MYT1L: variants seen among roughly 807,000 people sequenced by gnomAD.
MYT1L encodes myelin transcription factor 1 like, also known as myelin transcription factor 1-like protein.
MYT1L carries 12 observed loss-of-function variants against 126.7 expected under a neutral mutation model. That is an observed-to-expected ratio of 0.09 (90% confidence interval 0.06 to 0.15). The LOEUF (loss-of-function observed/expected upper bound fraction) is 0.15. Among genes scored for constraint, MYT1L ranks in the 10% least tolerant of loss-of-function variants. The probability of loss-of-function intolerance (pLI) is 1.00; values close to 1 mark genes in which losing one functional copy is unlikely to be tolerated. For missense variants in MYT1L, 979 were observed against 1,585.2 expected (o/e 0.62, Z 6.49); for synonymous variants, 541 against 604.2 (o/e 0.90, Z 1.53).
At chr2:1,893,472 T>C (rs1468321958) in intron 14 of MYT1L, among the ~76,000 whole-genome samples, 3 of 152,138 alleles carry the variant, frequency 2.0e-5, no homozygotes, top group African/African-American at 4.8e-5. Flanking sequence ...CTGGGAGAAC[T>C]TGGTGATAGG....
At chr2:2,191,982 G>A (rs1052076602) in intron 2 of MYT1L, among the ~76,000 whole-genome samples, 13 of 152,334 alleles carry the variant, frequency 8.5e-5, no homozygotes, top group East Asian at 3.9e-4. Flanking sequence ...GACTGCAGAC[G>A]GCATCCTTGT....
At chr2:1,873,037 C>T (rs1209082790) in intron 18 of MYT1L, among the ~76,000 whole-genome samples, 1 of 152,156 alleles carries the variant, frequency 6.6e-6, no homozygotes, top group African/African-American at 2.4e-5. Flanking sequence ...TGCCCCAGCT[C>T]CTGCCTCCTG....
intron 2 of MYT1L, among the ~76,000 whole-genome samples, chr2:2,199,218 G>A (rs1382585786): frequency 6.6e-6 from 1 of 152,188 alleles, no homozygotes; most frequent in African/African-American, 2.4e-5. Context: ...TTCATAAAAA[G>A]TTCATCCTTT....
chr2:2,294,218 C>T (rs929655204), intron 1 of MYT1L, among the ~76,000 whole-genome samples: 8 of 152,292 alleles, frequency 5.3e-5, no homozygotes, highest in East Asian at 3.9e-4. Flanking sequence ...GGCGGTGCCC[C>T]GGTCACTTGA....
chr2:1,921,336 G>C (rs1157229780), intron 10 of MYT1L, among the ~76,000 whole-genome samples: 2 of 152,162 alleles, frequency 1.3e-5, no homozygotes, highest in African/African-American at 2.4e-5. Flanking sequence ...GCATGAGGCT[G>C]AATTAGAACC....
intron 2 of MYT1L, among the ~76,000 whole-genome samples, chr2:2,183,900 A>AAAGG (rs1173993839): frequency 1.4e-5 from 2 of 144,412 alleles, no homozygotes; most frequent in Non-Finnish European, 3.1e-5. Flanking sequence ...AAGGAAGAAA[A>AAAGG]AAGGAAGGAA....
At chr2:2,093,410 A>G (rs1442803488) in intron 3 of MYT1L, among the ~76,000 whole-genome samples, 1 of 152,166 alleles carries the variant, frequency 6.6e-6, no homozygotes, top group Non-Finnish European at 1.5e-5. Context: ...TGTACAAAAA[A>G]AAAAAAAGAT....
At chr2:2,140,903 T>C (rs1339877685) in intron 3 of MYT1L, among the ~76,000 whole-genome samples, 1 of 152,236 alleles carries the variant, frequency 6.6e-6, no homozygotes, top group East Asian at 1.9e-4. Context: ...TTTTTGATTG[T>C]TCGGAATTAG....
chr2:2,183,453 C>T (rs2091760651), intron 2 of MYT1L, among the ~76,000 whole-genome samples: 1 of 152,130 alleles, frequency 6.6e-6, no homozygotes, highest in South Asian at 2.1e-4. Flanking sequence ...CTAAAGCTTG[C>T]TTTGTTTCCA....
At chr2:1,902,630 C>T (rs1004795791) in intron 14 of MYT1L, 7 of 158,812 alleles carry the variant, frequency 4.4e-5, no homozygotes, top group African/African-American at 1.4e-4. Flanking sequence ...TTCTCATGTG[C>T]GTGCAAGGCT....
At chr2:2,065,979 T>G (rs2071224508) in intron 3 of MYT1L, among the ~76,000 whole-genome samples, 1 of 151,760 alleles carries the variant, frequency 6.6e-6, no homozygotes, top group South Asian at 2.1e-4. Context: ...TTTATCCTTT[T>G]GCAAAAAAAA....
intron 4 of MYT1L, among the ~76,000 whole-genome samples, chr2:2,031,331 T>C (rs1366079709): frequency 6.6e-6 from 1 of 152,168 alleles, no homozygotes; most frequent in Admixed American, 6.5e-5. Flanking sequence ...AAGTGGGTTT[T>C]CCCATGGTCA....
Position 1,889,525 on chromosome 2 carries a change from ACAC to A in MYT1L, c.2284-51_2284-49del, listed in dbSNP as rs766681789. 2.8e-5 allele frequency: 40 copies of A among 1,433,756 alleles called. No homozygotes were observed. The East Asian group carries it at 8.5e-4, about 31-fold the overall frequency. 88.8% of individuals were successfully genotyped at this position (1,433,756 alleles called of 1,614,324 possible). On this transcript the variant is annotated intron_variant, in intron 15 of 24. Coordinates refer to ENST00000647738, the MANE Select transcript of MYT1L (RefSeq NM_001303052.2). This position sits in a 1 kb window ranked among gnomAD's most constrained non-coding sequence, Gnocchi z 4.1. ...ACTGTGCTTGGCCCGGCATCTTGTG[ACAC>A]CACGAGTCCTTCCTCCCAGATTACA...
At chr2:2,157,954 A>G (rs2086999408) in intron 3 of MYT1L, among the ~76,000 whole-genome samples, 1 of 152,252 alleles carries the variant, frequency 6.6e-6, no homozygotes, top group South Asian at 2.1e-4. Flanking sequence ...GAGAGACCTC[A>G]TATCTAGGTC....
Position 2,301,494 on chromosome 2 carries a change from G to A in MYT1L, c.-520-16991C>T, listed in dbSNP as rs1182886944. Among the ~76,000 whole-genome samples the A allele has an allele frequency of 2.0e-5, 3 of 152,050 alleles. 1 individual carries two copies. The highest frequency in any genetic ancestry group is 4.4e-5 in the Non-Finnish European group (3 of 67,994). ...AGAGAAAATAAAACAAAAATGGAAG[G>A]ATTGGTCAATATAGCCATTCTAAAA... On this transcript the variant is annotated intron_variant, in intron 1 of 24. Transcript: ENST00000647738.
intron 2 of MYT1L, among the ~76,000 whole-genome samples, chr2:2,219,643 A>G (rs2093795640): frequency 6.6e-6 from 1 of 152,180 alleles, no homozygotes; most frequent in African/African-American, 2.4e-5. Flanking sequence ...GCATTCCACA[A>G]GTTACTTCCT....
In MYT1L at chr2:1,870,533, G is replaced by T. The variant is rs146124112; in HGVS notation, c.2711+16006C>A. ...CCCAGTCTTGCCTCAGTGACCAGGG[G>T]TCTCTTTTCAGTTGGTGATTTTGGG... On this transcript the variant is annotated intron_variant, in intron 18 of 24. Coordinates refer to ENST00000647738, the MANE Select transcript of MYT1L (RefSeq NM_001303052.2). 1.1e-4 allele frequency among the ~76,000 whole-genome samples: 16 copies of T among 152,290 alleles called. No individual in the cohort carries two copies. The East Asian group carries it at 2.3e-3, about 22-fold the overall frequency.
chr2:2,218,502 GA>G (rs922489032), intron 2 of MYT1L, among the ~76,000 whole-genome samples: 1 of 152,108 alleles, frequency 6.6e-6, no homozygotes, highest in Non-Finnish European at 1.5e-5. Flanking sequence ...ACCAAATCCT[GA>G]AAAATGCAAA....
At chr2:1,925,341 G>A (rs909594322) in intron 9 of MYT1L, among the ~76,000 whole-genome samples, 1 of 152,184 alleles carries the variant, frequency 6.6e-6, no homozygotes, top group African/African-American at 2.4e-5. Context: ...GCCTGCAGGG[G>A]GAACAGGTCC....
Sources: gnomAD v4.1 joint callset for allele counts (sites outside exome capture counted in the v4.1 genomes callset) on GRCh38, gnomAD v4.1.1 for gene constraint, Gnocchi (gnomAD v3.1) non-coding constraint, MANE v1.5 for transcripts, NCBI Gene and HGNC (gene_info 2026-07-23, HGNC 2026-07-21) for gene names.